The following RUBCNL variants were observed in gnomAD, a reference collection of about 807,000 sequenced individuals.
RUBCNL encodes the protein rubicon like autophagy enhancer, also known as protein associated with UVRAG as autophagy enhancer.
In RUBCNL, 62 loss-of-function variants were observed where a neutral mutation model predicts 69.5. The observed-to-expected ratio is 0.89, with a 90% confidence interval of 0.73 to 1.10. The LOEUF is 1.10. Among genes scored for constraint, RUBCNL ranks in the 50% least tolerant of loss-of-function variants. The pLI, the probability that RUBCNL is intolerant of heterozygous loss-of-function variation, is 0.00. For synonymous variants in RUBCNL, 291 were observed against 303.6 expected (o/e 0.96, Z 0.43); for missense variants, 768 against 798.1 (o/e 0.96, Z 0.45).
At chr13:46,347,591 T>C (rs2048274494) in intron 12 of RUBCNL, among the ~76,000 whole-genome samples, 1 of 152,142 alleles carries the variant, frequency 6.6e-6, no homozygotes, top group African/African-American at 2.4e-5. Flanking sequence ...ATCCACTTTA[T>C]TCACAATAGC....
chr13:46,354,729 G>C, intron 10 of RUBCNL: 1 of 455,066 alleles, frequency 2.2e-6, no homozygotes, highest in Non-Finnish European at 4.4e-6. Flanking sequence ...TGACTCTTTT[G>C]TTACGTACAT....
At chr13:46,384,603 C>T (rs951865454) in intron 1 of RUBCNL, among the ~76,000 whole-genome samples, 1 of 152,078 alleles carries the variant, frequency 6.6e-6, no homozygotes, top group Admixed American at 6.5e-5. Context: ...ACATTTACTT[C>T]TTTTAATAAA....
chr13:46,381,282 A>G (rs904716937), intron 1 of RUBCNL, among the ~76,000 whole-genome samples: 4 of 152,230 alleles, frequency 2.6e-5, no homozygotes, highest in Admixed American at 6.5e-5. Context: ...TTCAACCATC[A>G]TTAGAAATGA....
chr13:46,360,128 C>T (rs1380509574), intron 8 of RUBCNL, among the ~76,000 whole-genome samples: 2 of 152,120 alleles, frequency 1.3e-5, no homozygotes, highest in African/African-American at 2.4e-5. Flanking sequence ...GTGGCTCATG[C>T]TTGTTTTCCT....
At chr13:46,356,282 A>C (rs2048482305) in intron 10 of RUBCNL, 150 bp downstream of exon 10, 1 of 682,088 alleles carries the variant, frequency 1.5e-6, no homozygotes, top group Admixed American at 3.0e-5. Context: ...GTCATGATGG[A>C]CTCCTCATGA....
At chr13:46,356,518 A>G (rs1201082866) in intron 9 of RUBCNL, 22 bp from the exon 10 acceptor site, 8 of 1,608,614 alleles carry the variant, frequency 5.0e-6, no homozygotes, top group Non-Finnish European at 6.8e-6. Flanking sequence ...AAATAATACT[A>G]GTTACATTTC....
chr13:46,357,567 G>A (rs189537507), intron 9 of RUBCNL, among the ~76,000 whole-genome samples: 4 of 151,518 alleles, frequency 2.6e-5, no homozygotes, highest in Non-Finnish European at 2.9e-5. Flanking sequence ...AAGAGGTAAC[G>A]TAAGACAAAG....
In RUBCNL at chr13:46,342,965, T is replaced by G; in HGVS notation, c.*420A>C. The G allele has an allele frequency of 6.0e-6, 1 of 167,846 alleles. No homozygotes were observed. The highest frequency in any genetic ancestry group is 1.3e-5 in the Non-Finnish European group (1 of 78,286). 10.4% of individuals were successfully genotyped at this position (167,846 alleles called of 1,614,324 possible). ...GAAATAAAAGCCAGAGCAAACAGAT[T>G]TGGGGTCATATTTTTGTTCACTGAA... is the stretch of plus-strand genomic sequence containing the variant. On this transcript the variant is annotated 3_prime_UTR_variant, in exon 15 of 15. Coordinates refer to ENST00000429979, the MANE Select transcript of RUBCNL (RefSeq NM_025113.5).
At chr13:46,359,129 G>C (rs1402689713) in intron 9 of RUBCNL, among the ~76,000 whole-genome samples, 4 of 151,694 alleles carry the variant, frequency 2.6e-5, no homozygotes, top group African/African-American at 9.7e-5. Context: ...TTTTAAAAAG[G>C]AAACACATTT....
chr13:46,369,498 T>C (rs774737573), intron 3 of RUBCNL, among the ~76,000 whole-genome samples: 18 of 152,152 alleles, frequency 1.2e-4, no homozygotes, highest in Non-Finnish European at 2.1e-4. Context: ...TACAGGCAGA[T>C]TGAGCCACTG....
rs2048670913 is a variant in RUBCNL at position 46,363,166 on chromosome 13, GGT to G, written c.872_873del (p.Tyr291SerfsTer2). On this transcript the variant is annotated frameshift_variant, in exon 6 of 15. Coordinates refer to ENST00000429979, the MANE Select transcript of RUBCNL (RefSeq NM_025113.5). LOFTEE classifies it high-confidence loss of function. ...QVSPVTETRT[Y>X]HDVKEICKCD... ...CATTTGCAAATCTCTTTCACATCAT[GGT>G]AAGTACGTGTTTCAGTCACTGGGCT... 6.2e-7 allele frequency: 1 copy of G among 1,600,940 alleles called. No homozygotes were observed. The highest frequency in any genetic ancestry group is 8.5e-7 in the Non-Finnish European group (1 of 1,173,968).
intron 10 of RUBCNL, among the ~76,000 whole-genome samples, chr13:46,355,753 C>A (rs1214752374): frequency 6.6e-6 from 1 of 152,168 alleles, no homozygotes; most frequent in African/African-American, 2.4e-5. Flanking sequence ...AGGCACTCTT[C>A]TAGAAGCTGG....
chr13:46,367,988 G>A (rs968625515), intron 5 of RUBCNL, 54 bp downstream of exon 5: 3 of 1,513,552 alleles, frequency 2.0e-6, no homozygotes, highest in East Asian at 2.3e-5. Context: ...TAATTATAGA[G>A]GAGATATATG....
rs1223219416 is a variant in RUBCNL at position 46,345,465 on chromosome 13, T to C, written c.1767A>G (p.Ala589=). ...LLKDILKASL[A]HVAGCELCQG... ...CCCTCACCTCACAGCCAGCCACATG[T>C]GCAAGGGAAGCTTTCAGAATGTCCT... is the stretch of plus-strand genomic sequence containing the variant. The change falls in exon 13 of 15, where the codon GCA becomes GCG. Residue 589 remains alanine, a synonymous_variant. Coordinates refer to ENST00000429979, the MANE Select transcript of RUBCNL (RefSeq NM_025113.5). The C allele has an allele frequency of 6.4e-7, 1 of 1,567,346 alleles. No individual in the cohort carries two copies. Among genetic ancestry groups the C allele is most frequent in the Admixed American group, 1.9e-5 (1 of 52,298 alleles).
rs1298894960 is a variant in RUBCNL, at chr13:46,342,357, T to C, written c.*1028A>G. The C allele has an allele frequency of 6.6e-6, 1 of 152,182 alleles. No homozygotes were observed. The highest frequency in any genetic ancestry group is 2.4e-5 in the African/African-American group (1 of 41,446). 9.4% of individuals were successfully genotyped at this position (152,182 alleles called of 1,614,324 possible). Reference sequence around the variant, plus strand: ...GCCCAAGCCCTAGGTTGCAAACCGTTCAGTCTAAAGGTATACCATGAAGGG... The same window carrying C: ...GCCCAAGCCCTAGGTTGCAAACCGTCCAGTCTAAAGGTATACCATGAAGGG... On this transcript the variant is annotated 3_prime_UTR_variant, in exon 15 of 15. Transcript: ENST00000429979.
At chr13:46,381,388 T>C (rs909684334) in intron 1 of RUBCNL, among the ~76,000 whole-genome samples, 1 of 151,966 alleles carries the variant, frequency 6.6e-6, no homozygotes, top group Non-Finnish European at 1.5e-5. Context: ...TATATATATA[T>C]AAAATGTCCA....
chr13:46,371,429 C>A (rs1368546491), intron 3 of RUBCNL, among the ~76,000 whole-genome samples: 6 of 152,050 alleles, frequency 3.9e-5, no homozygotes, highest in Non-Finnish European at 7.4e-5. Context: ...GCAGTGAGAG[C>A]CCTTGTTTTA....
chr13:46,362,517 C>T (rs759064464), intron 7 of RUBCNL, 21 bp downstream of exon 7: 1 of 1,581,828 alleles, frequency 6.3e-7, no homozygotes, highest in Non-Finnish European at 8.6e-7. Flanking sequence ...TCTATGTGCA[C>T]TGTGCACAGA....
chr13:46,353,397 A>C (rs1038184952), intron 10 of RUBCNL, among the ~76,000 whole-genome samples: 1 of 152,214 alleles, frequency 6.6e-6, no homozygotes, highest in African/African-American at 2.4e-5. Flanking sequence ...TCACTCATTC[A>C]TCAAACTTCA....
Sources: gnomAD v4.1 joint callset for allele counts (sites outside exome capture counted in the v4.1 genomes callset) on GRCh38, gnomAD v4.1.1 for gene constraint, MANE v1.5 for transcripts, NCBI Gene and HGNC (gene_info 2026-07-23, HGNC 2026-07-21) for gene names.